EPHA10: variants seen among roughly 807,000 people sequenced by gnomAD.
The protein encoded by EPHA10 is EPH receptor A10.
A neutral mutation model predicts 109.7 loss-of-function variants in EPHA10; 120 were observed. The ratio of observed to expected loss-of-function variants is 1.09; its 90% CI spans 0.94 to 1.27. The LOEUF (loss-of-function observed/expected upper bound fraction) is 1.27, where lower values mean the gene tolerates loss of function less well. EPHA10 is among the 50% of genes most tolerant of loss of function. EPHA10 has a pLI of 0.00. For synonymous variants in EPHA10, 640 were observed against 618.9 expected (o/e 1.03, Z -0.51); for missense variants, 1,396 against 1,411.1 (o/e 0.99, Z 0.17).
chr1:37,763,424 A>G (rs536957317), intron 1 of EPHA10, among the ~76,000 whole-genome samples: 194 of 152,326 alleles, frequency 1.3e-3, no homozygotes, highest in Non-Finnish European at 2.4e-3. Flanking sequence ...CAGATAATCT[A>G]AAACAACCTC....
In EPHA10 at chr1:37,720,549, G is replaced by T; in HGVS notation, c.2214C>A (p.His738Gln). 3 of 1,609,368 alleles carry T rather than the reference G, an allele frequency of 1.9e-6. No homozygotes were observed. Among genetic ancestry groups the T allele is most frequent in the Middle Eastern group, 3.3e-4 (2 of 6,052 alleles). Reference sequence around the variant, plus strand: ...GTTGCCCAGCCACCAGCTGCCCCTCGTGCCGCTGTGGAGGGAGAAGACTGA... The same window carrying T: ...GTTGCCCAGCCACCAGCTGCCCCTCTTGCCGCTGTGGAGGGAGAAGACTGA... ...HGALDGFLRR[H>Q]EGQLVAGQLM... Residue 738 changes from histidine (H) to glutamine (Q), a missense_variant, in exon 13 of 17, where the codon CAC (histidine) becomes CAA (glutamine). Coordinates refer to ENST00000373048, the MANE Select transcript of EPHA10 (RefSeq NM_001099439.2).
At chr1:37,757,133 G>T (rs508992) in intron 3 of EPHA10, among the ~76,000 whole-genome samples, 52,876 of 152,034 alleles carry the variant, frequency 0.35, 9,226 homozygotes, top group Middle Eastern at 0.48. Context: ...GGCCCTAGCA[G>T]AGAATTAAAG....
chr1:37,739,221 C>T (rs1646116644), intron 5 of EPHA10, among the ~76,000 whole-genome samples: 1 of 151,782 alleles, frequency 6.6e-6, no homozygotes, highest in South Asian at 2.1e-4. Flanking sequence ...GATATTAGTC[C>T]TTAAAAAGAA....
At chr1:37,752,247 T>C (rs772413632) in intron 5 of EPHA10, among the ~76,000 whole-genome samples, 14 of 152,198 alleles carry the variant, frequency 9.2e-5, no homozygotes, top group Non-Finnish European at 1.9e-4. Flanking sequence ...ATTCACCTCA[T>C]GTCCAGACTC....
chr1:37,719,872 G>A, intron 14 of EPHA10, 37 bp downstream of exon 14: 3 of 1,613,736 alleles, frequency 1.9e-6, no homozygotes, highest in South Asian at 2.2e-5. Context: ...AGCTGAGAGG[G>A]TCAGAAGGCA....
chr1:37,718,594 G>A (rs1217282494), intron 16 of EPHA10, 67 bp downstream of exon 16: 2 of 1,612,624 alleles, frequency 1.2e-6, no homozygotes, highest in African/African-American at 1.3e-5. Flanking sequence ...GGACTCCCCA[G>A]TATAGGCAGG....
chr1:37,755,425 G>T (rs991652478), intron 3 of EPHA10, among the ~76,000 whole-genome samples: 1 of 152,144 alleles, frequency 6.6e-6, no homozygotes, highest in Non-Finnish European at 1.5e-5. Flanking sequence ...GGAGGGGGGT[G>T]GGTGGAGAGA....
intron 5 of EPHA10, among the ~76,000 whole-genome samples, chr1:37,740,713 A>G (rs1646140677): frequency 6.6e-6 from 1 of 152,138 alleles, no homozygotes; most frequent in Non-Finnish European, 1.5e-5. Flanking sequence ...ACATACACAC[A>G]TATACGGGAG....
intron 5 of EPHA10, among the ~76,000 whole-genome samples, chr1:37,740,008 T>C (rs1473752694): frequency 6.6e-6 from 1 of 152,002 alleles, no homozygotes; most frequent in Non-Finnish European, 1.5e-5. Context: ...ACAGGAGGCT[T>C]GCCCAAGACC....
At chr1:37,719,058 G>A (rs902572000) in intron 15 of EPHA10, 2 of 609,570 alleles carry the variant, frequency 3.3e-6, no homozygotes, top group Non-Finnish European at 5.8e-6. Context: ...AACAGTCTGG[G>A]GTAGGACACG....
In EPHA10 at chr1:37,758,285, T is replaced by C. The variant is rs144805082; in HGVS notation, c.850+3120A>G. ...TATACACACTTGGTATCCCAGTGGC[T>C]CTTTGTCCTTCCGCATACAAACAAG... On this transcript the variant is annotated intron_variant, in intron 3 of 16. Transcript: ENST00000373048. 4.6e-3 allele frequency among the ~76,000 whole-genome samples: 695 copies of C among 152,310 alleles called. 1 individual carries two copies. The highest frequency in any genetic ancestry group is 0.015 in the African/African-American group (615 of 41,558).
intron 5 of EPHA10, among the ~76,000 whole-genome samples, chr1:37,736,362 A>C (rs568073049): frequency 6.6e-6 from 1 of 151,732 alleles, no homozygotes; most frequent in Admixed American, 6.6e-5. Flanking sequence ...CTGTAATCCC[A>C]GCTACTTGGG....
chr1:37,753,042 G>T lies in EPHA10; in HGVS notation c.1191C>A (p.Ala397=). Residue 397 remains alanine (A), a synonymous_variant, in exon 5 of 17, where the codon GCC becomes GCA. Transcript: ENST00000373048. ...GCAGCCCTGCCTGGCGCGGTAGGAA[G>T]GCCACGCGCGGCCCGCACGGCTCGC... ...GACEPCGPRV[A]FLPRQAGLRE... is the part of the protein sequence containing the mutation. 8.1e-7 allele frequency: 1 copy of T among 1,237,814 alleles called. No individual in the cohort carries two copies. Among genetic ancestry groups the T allele is most frequent in the South Asian group, 2.9e-5 (1 of 34,232 alleles). 76.7% of individuals were successfully genotyped at this position (1,237,814 alleles called of 1,614,324 possible).
intron 5 of EPHA10, among the ~76,000 whole-genome samples, chr1:37,750,155 A>T (rs538918846): frequency 2.4e-4 from 32 of 135,758 alleles, no homozygotes; most frequent in African/African-American, 8.5e-4. Context: ...TCTATGTAAT[A>T]AGATTATGGG....
downstream of EPHA10, chr1:37,715,818 G>A: frequency 2.0e-6 from 1 of 493,070 alleles, no homozygotes; most frequent in East Asian, 4.4e-5. Flanking sequence ...CATGGATCCT[G>A]GGACATCTTT....
chr1:37,719,874 C>G, intron 14 of EPHA10, 35 bp downstream of exon 14: 7 of 1,613,746 alleles, frequency 4.3e-6, no homozygotes, highest in Non-Finnish European at 5.9e-6. Flanking sequence ...CTGAGAGGGT[C>G]AGAAGGCATG....
chr1:37,743,586 G>A (rs757995159), intron 5 of EPHA10, among the ~76,000 whole-genome samples: 7 of 152,190 alleles, frequency 4.6e-5, no homozygotes, highest in Non-Finnish European at 8.8e-5. Flanking sequence ...ACTCGTGATG[G>A]TTTAACTGAT....
In EPHA10 at chr1:37,735,364, T is replaced by C; in HGVS notation, c.1384A>G (p.Arg462Gly). ...GAPWEEDEIR[R>G]DRVEPQSVSL... The stretch of plus-strand genomic sequence containing the variant: ...ACGCTCTGGGGTTCCACTCGGTCCC[T>C]GCGGATCTCATCCTCCTCCCAGGGC... Residue 462 changes from arginine (R) to glycine (G), a missense_variant, in exon 6 of 17, where the codon AGG becomes GGG. By Grantham distance (125) the Arg-to-Gly change is moderately radical (BLOSUM62 -2). Coordinates refer to ENST00000373048, the MANE Select transcript of EPHA10 (RefSeq NM_001099439.2). The C allele has an allele frequency of 6.3e-7, 1 of 1,579,336 alleles. No individual in the cohort carries two copies. Among genetic ancestry groups the C allele is most frequent in the Non-Finnish European group, 8.6e-7 (1 of 1,162,576 alleles).
rs76466607 is a variant in EPHA10, at chr1:37,716,984, G to C, written c.*1388C>G. The C allele has an allele frequency of 0.037, 8,575 of 232,844 alleles. 533 individuals are homozygous for C. The highest frequency in any genetic ancestry group is 0.21 in the East Asian group (3,416 of 16,400). The allele number at this position is 232,844 out of a possible 1,614,324, so 14.4% of individuals were successfully genotyped here. ...AGTCTGAGCCCCCCAAGGGCAGGCT[G>C]TGTGTCTTTTTCATCTTTACCTCTT... On this transcript the variant is annotated 3_prime_UTR_variant, in exon 17 of 17. Transcript: ENST00000373048.
Sources: gnomAD v4.1 joint callset for allele counts (sites outside exome capture counted in the v4.1 genomes callset) on GRCh38, gnomAD v4.1.1 for gene constraint, MANE v1.5 for transcripts, NCBI Gene and HGNC (gene_info 2026-07-23, HGNC 2026-07-21) for gene names.